DENND4C: variants seen among roughly 807,000 people sequenced by gnomAD.
DENND4C encodes DENN domain containing 4C, also known as DENN domain-containing protein 4C.
DENND4C carries 108 observed loss-of-function variants against 203.0 expected under a neutral mutation model. That is an observed-to-expected ratio of 0.53 (90% confidence interval 0.46 to 0.62). DENND4C has a LOEUF of 0.62. Among genes scored for constraint, DENND4C ranks in the 20% least tolerant of loss-of-function variants. The pLI, the probability that DENND4C is intolerant of heterozygous loss-of-function variation, is 0.00. For synonymous variants in DENND4C, 871 were observed against 792.4 expected, an observed-to-expected ratio of 1.10 and a Z score of -1.67; for missense variants, 2,481 against 2,301.2, an observed-to-expected ratio of 1.08 and a Z score of -1.60.
intron 23 of DENND4C, among the ~76,000 whole-genome samples, chr9:19,347,646 A>G (rs1823202587): frequency 6.6e-6 from 1 of 152,230 alleles, no homozygotes; most frequent in South Asian, 2.1e-4. Flanking sequence ...TGAACCGTAT[A>G]TGTAAGGAAG....
At chr9:19,287,709 C>T (rs118065356) in intron 3 of DENND4C, among the ~76,000 whole-genome samples, 5,823 of 149,400 alleles carry the variant, frequency 0.039, 157 homozygotes, top group Non-Finnish European at 0.062. Context: ...CTCTAGGGCT[C>T]AAGAGAAAAT....
rs549884329 is a variant in DENND4C, at chr9:19,307,586, A to G, written c.1487+2059A>G. On this transcript the variant is annotated intron_variant, in intron 10 of 32. Transcript: ENST00000434457. ...GGAGTTCAAGACCACCCTGGCCAACATGGTGAAACTCCGTCTCTACTAAAA... is the reference window on the plus strand; with the variant it reads ...GGAGTTCAAGACCACCCTGGCCAACGTGGTGAAACTCCGTCTCTACTAAAA... Among the ~76,000 whole-genome samples the G allele has an allele frequency of 6.6e-5, 10 of 151,796 alleles. No homozygotes were observed. The East Asian group carries it at 1.9e-3, about 30-fold the overall frequency.
chr9:19,254,347 G>A (rs1225346701), intron 1 of DENND4C, among the ~76,000 whole-genome samples: 2 of 152,160 alleles, frequency 1.3e-5, no homozygotes, highest in African/African-American at 2.4e-5. Context: ...AGTGTCCATC[G>A]ACGGATGAAT....
intron 2 of DENND4C, among the ~76,000 whole-genome samples, chr9:19,279,504 C>T (rs1299568902): frequency 6.6e-6 from 1 of 151,934 alleles, no homozygotes; most frequent in South Asian, 2.1e-4. Context: ...GTGAAACCCC[C>T]TCTTTACTAA....
chr9:19,276,549 T>A, intron 2 of DENND4C, 70 bp downstream of exon 2: 1 of 860,172 alleles, frequency 1.2e-6, no homozygotes, highest in Non-Finnish European at 1.5e-6. Context: ...AAGTAGGAAT[T>A]TGAAATCCTT....
At chr9:19,351,937 C>G in intron 24 of DENND4C, 136 bp from the exon 25 acceptor site, 1 of 616,322 alleles carries the variant, frequency 1.6e-6, no homozygotes, top group Non-Finnish European at 2.9e-6. Context: ...TCTATGTATG[C>G]ATACATTTTT....
chr9:19,267,606 G>C (rs1386352688), intron 1 of DENND4C, among the ~76,000 whole-genome samples: 1 of 151,402 alleles, frequency 6.6e-6, no homozygotes, highest in Non-Finnish European at 1.5e-5. Flanking sequence ...GTGTGATCAC[G>C]GATTACTGTG....
At chr9:19,282,764 T>C (rs1029008080) in intron 2 of DENND4C, among the ~76,000 whole-genome samples, 1 of 139,492 alleles carries the variant, frequency 7.2e-6, no homozygotes, top group African/African-American at 2.6e-5. Flanking sequence ...TCTTCCAGGC[T>C]GGAGTGCAGT....
chr9:19,288,059 C>T (rs1193701402), intron 3 of DENND4C, among the ~76,000 whole-genome samples: 1 of 152,196 alleles, frequency 6.6e-6, no homozygotes, highest in Non-Finnish European at 1.5e-5. Context: ...TTTAAAAGGA[C>T]TGTAGTGAAG....
chr9:19,260,918 A>G (rs931696473), intron 1 of DENND4C, among the ~76,000 whole-genome samples: 4 of 152,166 alleles, frequency 2.6e-5, no homozygotes, highest in African/African-American at 7.2e-5. Context: ...TCTCAAAAAG[A>G]AAAAAGAAAG....
Position 19,300,172 on chromosome 9 carries a change from C to CT in DENND4C, c.1167-7dup, listed in dbSNP as rs755468275. 1.1e-4 allele frequency: 170 copies of CT among 1,580,054 alleles called. No individual in the cohort carries two copies. Among genetic ancestry groups the CT allele is most frequent in the Admixed American group, 2.1e-4 (12 of 58,394 alleles). The stretch of plus-strand genomic sequence containing the variant: ...ATAGTTCACAATGATCTACTTTTCT[C>CT]TTTTTTTTCCCTAGTGGAGCCAACT... On this transcript the variant is annotated splice_polypyrimidine_tract_variant and intron_variant, in intron 8 of 32. Transcript: ENST00000434457.
At chr9:19,287,337 C>G (rs1175022283) in intron 3 of DENND4C, among the ~76,000 whole-genome samples, 1 of 152,112 alleles carries the variant, frequency 6.6e-6, no homozygotes, top group Non-Finnish European at 1.5e-5. Context: ...TGGGTAGAAG[C>G]TCTCCTTACA....
rs750667926 is a variant in DENND4C at position 19,346,992 on chromosome 9, T to C, written c.4223T>C (p.Ile1408Thr). 25 of 1,614,082 alleles carry C rather than the reference T, an allele frequency of 1.5e-5. No individual in the cohort carries two copies. The highest frequency in any genetic ancestry group is 2.7e-5 in the African/African-American group (2 of 74,946). ...GATAATATACTCTCAGGGCCCAAGA[T>C]AGATGTCCTGAAATCTGGTATGAAA... ...KLDNILSGPK[I>T]DVLKSGMKQA... The change falls in exon 23 of 33, where the codon ATA becomes ACA. Residue 1408 changes from isoleucine to threonine, a missense_variant. By Grantham distance (89) the Ile-to-Thr change is moderately conservative. Transcript: ENST00000434457.
chr9:19,349,803 TAGA>T (rs1390706263), intron 23 of DENND4C, among the ~76,000 whole-genome samples: 1 of 152,148 alleles, frequency 6.6e-6, no homozygotes, highest in African/African-American at 2.4e-5. Context: ...TTTAAATAAT[TAGA>T]AGAAAATTTA....
chr9:19,306,070 G>T (rs193089493), intron 10 of DENND4C, among the ~76,000 whole-genome samples: 2 of 152,322 alleles, frequency 1.3e-5, no homozygotes, highest in Admixed American at 1.3e-4. Flanking sequence ...ACAGCTGAGG[G>T]TTCAGAGAGT....
intron 9 of DENND4C, among the ~76,000 whole-genome samples, chr9:19,304,189 A>AT (rs34462752): frequency 0.56 from 79,847 of 142,314 alleles, 22,545 homozygotes; most frequent in South Asian, 0.62. Context: ...TTTTATATTG[A>AT]TTTTTTTTTT....
rs1373640657 is a variant in DENND4C at position 19,324,416 on chromosome 9, A to G, written c.1862A>G (p.Lys621Arg). The part of the protein sequence containing the change: ...AYAKFYTLLS[K>R]TQIFIRFIEE... ...GCAAAATTCTATACCCTTTTATCCA[A>G]AACACAGATTTTTATTCGTTTCATT... Residue 621 changes from lysine (K) to arginine (R), a missense_variant, in exon 13 of 33, where the codon AAA (lysine) becomes AGA (arginine). Physicochemically the swap from Lys to Arg is conservative, Grantham distance 26. Around this residue, in one of 3 missense-constraint regions of DENND4C, gnomAD observed 2,289 missense variants for 2,113.3 expected, o/e 1.08. Coordinates refer to ENST00000434457, the MANE Select transcript of DENND4C (RefSeq NM_001330640.2). 1.2e-6 allele frequency: 2 copies of G among 1,612,998 alleles called. No individual in the cohort carries two copies. Among genetic ancestry groups the G allele is most frequent in the Non-Finnish European group, 1.7e-6 (2 of 1,179,620 alleles).
intron 2 of DENND4C, among the ~76,000 whole-genome samples, chr9:19,279,321 T>G (rs1160793733): frequency 6.6e-6 from 1 of 151,114 alleles, no homozygotes; most frequent in Non-Finnish European, 1.5e-5. Context: ...CCCAACGCTT[T>G]GGGAGGCTGA....
In DENND4C at chr9:19,326,165, T is replaced by G; in HGVS notation, c.2091T>G (p.Asp697Glu). Residue 697 changes from aspartate (D) to glutamate (E), a missense_variant, in exon 15 of 33, where the codon GAT becomes GAG. Around this residue, in one of 3 missense-constraint regions of DENND4C, gnomAD observed 2,289 missense variants for 2,113.3 expected, o/e 1.08. Coordinates refer to ENST00000434457, the MANE Select transcript of DENND4C (RefSeq NM_001330640.2). ...TAATGCCGCCAGAGCCACCTCCTGA[T>G]GATGGAAAGGACCTGTCACCAAAGT... ...VFIMPPEPPPDDGKDLSPKYS... is the reference protein window; with the variant it reads ...VFIMPPEPPPEDGKDLSPKYS... The G allele has an allele frequency of 6.2e-7, 1 of 1,613,284 alleles. No individual in the cohort carries two copies. The highest frequency in any genetic ancestry group is 8.5e-7 in the Non-Finnish European group (1 of 1,179,662).
Sources: allele counts gnomAD v4.1 joint callset (sites outside exome capture counted in the v4.1 genomes callset), GRCh38; gene constraint gnomAD v4.1.1; regional missense constraint gnomAD v4.1.1; transcripts MANE v1.5; gene names NCBI Gene and HGNC (gene_info 2026-07-23, HGNC 2026-07-21).